Variants in TPST1 observed in about 807,000 individuals in gnomAD.
TPST1 encodes the protein protein-tyrosine sulfotransferase 1.
In TPST1, 20 loss-of-function variants were observed where a neutral mutation model predicts 34.8. That is an observed-to-expected ratio of 0.57 (90% CI 0.40 to 0.84). The LOEUF (loss-of-function observed/expected upper bound fraction) is 0.84. TPST1 is among the 40% of genes least tolerant of loss of function. The pLI is 0.00. For synonymous variants in TPST1, 152 were observed against 159.4 expected (o/e 0.95, Z 0.35); for missense variants, 353 against 455.5 (o/e 0.78, Z 2.05).
At chr7:66,359,757 C>T (rs1409977069) in intron 5 of TPST1, 138 bp from the exon 6 acceptor site, 3 of 404,806 alleles carry the variant, frequency 7.4e-6, no homozygotes, top group African/African-American at 4.1e-5. Context: ...AACATCCATC[C>T]TCCTGGCCCC....
chr7:66,307,858 A>G (rs1207793449), intron 3 of TPST1, among the ~76,000 whole-genome samples: 1 of 152,224 alleles, frequency 6.6e-6, no homozygotes, highest in South Asian at 2.1e-4. Context: ...CATTTTGTCC[A>G]CTTGGTTATT....
At chr7:66,202,199 A>G (rs1230083808), upstream of TPST1, among the ~76,000 whole-genome samples, 1 of 152,150 alleles carries the variant, frequency 6.6e-6, no homozygotes, top group Non-Finnish European at 1.5e-5. Flanking sequence ...GAAAGCAGGA[A>G]AAGTTCATCT....
At chr7:66,301,274 T>G (rs906824802) in intron 3 of TPST1, among the ~76,000 whole-genome samples, 9 of 152,222 alleles carry the variant, frequency 5.9e-5, no homozygotes. Flanking sequence ...TTGAAGAGAA[T>G]TAGGGCCTTG....
intron 3 of TPST1, among the ~76,000 whole-genome samples, chr7:66,341,386 C>T (rs1236618883): frequency 6.6e-6 from 1 of 152,158 alleles, no homozygotes; most frequent in Non-Finnish European, 1.5e-5. Flanking sequence ...TCAAGCAATT[C>T]TCTGCCTCAG....
chr7:66,275,412 AT>A (rs1790787621), intron 2 of TPST1, among the ~76,000 whole-genome samples: 1 of 152,198 alleles, frequency 6.6e-6, no homozygotes, highest in Non-Finnish European at 1.5e-5. Flanking sequence ...AATGTGGTAG[AT>A]ATACCTGCAC....
At chr7:66,357,772 AC>A (rs1260260646) in intron 5 of TPST1, among the ~76,000 whole-genome samples, 13 of 152,220 alleles carry the variant, frequency 8.5e-5, no homozygotes, top group African/African-American at 2.9e-4. Flanking sequence ...ATCAGTTGTA[AC>A]TTGAACAGCC....
intron 2 of TPST1, among the ~76,000 whole-genome samples, chr7:66,285,106 T>C (rs1433412861): frequency 6.6e-6 from 1 of 152,210 alleles, no homozygotes; most frequent in Non-Finnish European, 1.5e-5. Context: ...CAAGACTCTA[T>C]GTGTGACCCC....
intron 2 of TPST1, among the ~76,000 whole-genome samples, chr7:66,263,711 T>A (rs1293015448): frequency 6.6e-6 from 1 of 152,174 alleles, no homozygotes; most frequent in Non-Finnish European, 1.5e-5. Context: ...GCTTGATAAA[T>A]TGATTTATTA....
chr7:66,330,541 G>A (rs989373223), intron 3 of TPST1, among the ~76,000 whole-genome samples: 2 of 151,960 alleles, frequency 1.3e-5, no homozygotes, highest in Non-Finnish European at 2.9e-5. Context: ...TAATTCATTC[G>A]GCACATTTTC....
intron 3 of TPST1, among the ~76,000 whole-genome samples, chr7:66,348,489 A>G (rs1368212619): frequency 1.3e-5 from 2 of 152,144 alleles, no homozygotes; most frequent in Non-Finnish European, 2.9e-5. Context: ...TTTTTTTATT[A>G]TTTTAATTTC....
At chr7:66,304,430 T>C (rs554702810) in intron 3 of TPST1, among the ~76,000 whole-genome samples, 2 of 152,308 alleles carry the variant, frequency 1.3e-5, no homozygotes, top group South Asian at 4.1e-4. Context: ...TTCTACTTCA[T>C]TTCCACCTTC....
At chr7:66,284,536 T>A (rs1366408833) in intron 2 of TPST1, among the ~76,000 whole-genome samples, 1 of 150,634 alleles carries the variant, frequency 6.6e-6, no homozygotes, top group East Asian at 1.9e-4. Context: ...CTTATCTAAT[T>A]GGCCACTGTC....
At chr7:66,324,482 T>C (rs1562844935) in intron 3 of TPST1, among the ~76,000 whole-genome samples, 1 of 152,124 alleles carries the variant, frequency 6.6e-6, no homozygotes, top group Non-Finnish European at 1.5e-5. Flanking sequence ...AAAAGATATC[T>C]AGATTTCAGC....
At chr7:66,212,347 A>G (rs1789280910) in intron 1 of TPST1, among the ~76,000 whole-genome samples, 1 of 152,180 alleles carries the variant, frequency 6.6e-6, no homozygotes, top group Non-Finnish European at 1.5e-5. Flanking sequence ...AATGAATCTC[A>G]CTGGGATTGG....
At chr7:66,260,064 TGTCGTC>T (rs1440268094) in intron 2 of TPST1, among the ~76,000 whole-genome samples, 1 of 152,190 alleles carries the variant, frequency 6.6e-6, no homozygotes, top group Non-Finnish European at 1.5e-5. Flanking sequence ...CTTTACTCCA[TGTCGTC>T]TCATGTCTTG....
intron 1 of TPST1, among the ~76,000 whole-genome samples, chr7:66,219,228 G>A (rs1789490290): frequency 6.6e-6 from 1 of 151,942 alleles, no homozygotes; most frequent in Non-Finnish European, 1.5e-5. Flanking sequence ...AATATTTGAT[G>A]CCCAGCTTTT....
Position 66,350,850 on chromosome 7 carries a change from G to T in TPST1, c.1045-1655G>T, listed in dbSNP as rs763770383. Among the ~76,000 whole-genome samples the T allele has an allele frequency of 5.9e-5, 9 of 152,206 alleles. 1 individual carries two copies. Among genetic ancestry groups the T allele is most frequent in the Non-Finnish European group, 8.8e-5 (6 of 68,000 alleles). On this transcript the variant is annotated intron_variant, in intron 3 of 5. Transcript: ENST00000304842. ...CCAAGTTTTTTTTTGCTGTTGCAAA[G>T]TGTTGAAATAAACATCTTTGTACTT...
intron 1 of TPST1, among the ~76,000 whole-genome samples, chr7:66,234,663 TTTTGTTTGTTTG>T (rs199744147): frequency 6.6e-6 from 1 of 151,828 alleles, no homozygotes; most frequent in African/African-American, 2.4e-5. Context: ...TTCAGGGAAG[TTTTGTTTGTTTG>T]TTTGTTTGTT....
intron 3 of TPST1, among the ~76,000 whole-genome samples, chr7:66,326,698 C>T (rs1174588783): frequency 1.3e-5 from 2 of 152,212 alleles, no homozygotes; most frequent in Non-Finnish European, 2.9e-5. Context: ...ACATTCCCAA[C>T]TCAATTCACA....
Sources: allele counts gnomAD v4.1 joint callset (sites outside exome capture counted in the v4.1 genomes callset), GRCh38; gene constraint gnomAD v4.1.1; transcripts MANE v1.5; gene names NCBI Gene and HGNC (gene_info 2026-07-23, HGNC 2026-07-21).